ZNF224: variants seen among roughly 807,000 people sequenced by gnomAD.
ZNF224 encodes bone marrow zinc finger 2.
A neutral mutation model predicts 10.5 loss-of-function variants in ZNF224; 8 were observed. The ratio of observed to expected loss-of-function variants is 0.76; its 90% CI spans 0.45 to 1.37. The LOEUF (loss-of-function observed/expected upper bound fraction) is 1.37. Ranked by LOEUF, ZNF224 falls within the 40% of genes most tolerant of loss-of-function variation. ZNF224 has a pLI of 0.00. For synonymous variants in ZNF224, 282 were observed against 287.8 expected, an observed-to-expected ratio of 0.98 and a Z score of 0.20; for missense variants, 754 against 854.0, an observed-to-expected ratio of 0.88 and a Z score of 1.46.
chr19:44,095,546 A>C (rs1447366214), intron 1 of ZNF224: 1 of 152,226 alleles, frequency 6.6e-6, no homozygotes, highest in Non-Finnish European at 1.5e-5. Flanking sequence ...AAATGTTGTC[A>C]ACTATTTTGT....
rs1967710527 is a variant in ZNF224 at position 44,107,512 on chromosome 19, C to A, written c.1352C>A (p.Thr451Lys). The A allele has an allele frequency of 6.2e-7, 1 of 1,607,636 alleles. No individual in the cohort carries two copies. The highest frequency in any genetic ancestry group is 1.7e-5 in the Admixed American group (1 of 58,974). ...CTTGACTTTCACCAGCGCGTCCATA[C>A]AGGAGAGAAACTGTATAATTGTAAG... Reference protein sequence around the residue: ...LDLDFHQRVHTGEKLYNCKEC... With the variant: ...LDLDFHQRVHKGEKLYNCKEC... Residue 451 changes from threonine (T) to lysine (K), a missense_variant, in exon 6 of 6, where the codon ACA (threonine) becomes AAA (lysine). Physicochemically the swap from Thr to Lys is moderately conservative, Grantham distance 78. Transcript: ENST00000693561.
chr19:44,101,148 A>T lies in ZNF224; in HGVS notation c.158A>T (p.His53Leu), dbSNP rs374139895. Residue 53 changes from histidine (H) to leucine (L), a missense_variant, in exon 5 of 6, where the codon CAC becomes CTC. Transcript: ENST00000693561. The part of the protein sequence containing the change: ...NLLSVGHQAF[H>L]RDTFHFLREE... The stretch of plus-strand genomic sequence containing the variant: ...CTGTTTGCAGGACATCAAGCATTCC[A>T]CAGGGATACTTTCCACTTCCTAAGG... The T allele has an allele frequency of 8.7e-6, 14 of 1,614,030 alleles. No individual in the cohort carries two copies. The highest frequency in any genetic ancestry group is 1.3e-5 in the African/African-American group (1 of 74,938).
chr19:44,105,792 C>T (rs1485480276), intron 5 of ZNF224: 11 of 153,104 alleles, frequency 7.2e-5, no homozygotes, highest in South Asian at 2.1e-4. Context: ...TCCTGAGTTA[C>T]TTCACTTAGA....
At position 44,107,120 on chromosome 19, in the gene ZNF224, G is replaced by A. The variant is rs572888984; in HGVS notation, c.960G>A (p.Thr320=). 13 of 1,605,426 alleles carry A rather than the reference G, an allele frequency of 8.1e-6. No individual in the cohort carries two copies. The highest frequency in any genetic ancestry group is 4.5e-5 in the South Asian group (4 of 89,752). The change falls in exon 6 of 6, where the codon ACG becomes ACA. Residue 320 remains threonine, a synonymous_variant. Transcript: ENST00000693561. Reference sequence around the variant, plus strand: ...CAGAGAAACCATTCCGATGTGATACGTGTGATAAGAGCTTTCGTCAGAGAT... The same window carrying A: ...CAGAGAAACCATTCCGATGTGATACATGTGATAAGAGCTTTCGTCAGAGAT... ...HTAEKPFRCD[T]CDKSFRQRSA...
At chr19:44,097,057 C>T (rs532696781) in intron 2 of ZNF224, 8 of 230,914 alleles carry the variant, frequency 3.5e-5, no homozygotes, top group Admixed American at 1.6e-4. Flanking sequence ...TTGGCCGAGA[C>T]GCTGTCTTTC....
rs772590929 is a variant in ZNF224 at position 44,106,974 on chromosome 19, G to A, written c.814G>A (p.Asp272Asn). 4.3e-6 allele frequency: 7 copies of A among 1,610,226 alleles called. No individual in the cohort carries two copies. Among genetic ancestry groups the A allele is most frequent in the South Asian group, 1.1e-5 (1 of 90,636 alleles). The change falls in exon 6 of 6, where the codon GAT becomes AAT. Residue 272 changes from aspartate to asparagine, a missense_variant. Coordinates refer to ENST00000693561, the MANE Select transcript of ZNF224 (RefSeq NM_001321645.3). ...GGAATGCGGGAAGGCCTTCATTCAC[G>A]ATTCCCAGCTTCAAGAACATCAGAG... Reference protein sequence around the residue: ...CEECGKAFIHDSQLQEHQRIH... With the variant: ...CEECGKAFIHNSQLQEHQRIH...
rs1478411114 is a variant in ZNF224 at position 44,107,867 on chromosome 19, A to G, written c.1707A>G (p.Lys569=). The G allele has an allele frequency of 4.4e-6, 7 of 1,601,686 alleles. No individual in the cohort carries two copies. The South Asian group carries it at 7.7e-5, about 18-fold the overall frequency. Residue 569 remains lysine, a synonymous_variant, in exon 6 of 6, where the codon AAA becomes AAG. Transcript: ENST00000693561. The stretch of plus-strand genomic sequence containing the variant: ...TGCACAGTGGAGAAAAACCATTCAA[A>G]TGTGAAGAGTGTGGGAAAAGATTTA... ...QRLHSGEKPF[K]CEECGKRFTQ... is the part of the protein sequence containing the mutation.
At chr19:44,096,621 C>A (rs1967439847) in intron 2 of ZNF224, among the ~76,000 whole-genome samples, 190 bp downstream of exon 2, 3 of 152,070 alleles carry the variant, frequency 2.0e-5, no homozygotes. Context: ...ATGTACTCTG[C>A]AGTTCTATAT....
intron 5 of ZNF224, among the ~76,000 whole-genome samples, chr19:44,101,463 T>A (rs781457301): frequency 1.3e-5 from 2 of 152,214 alleles, no homozygotes; most frequent in Non-Finnish European, 2.9e-5. Context: ...CAAAAGCCTG[T>A]TTGGCTTATT....
At chr19:44,098,826 G>A (rs1967493573) in intron 3 of ZNF224, among the ~76,000 whole-genome samples, 1 of 152,152 alleles carries the variant, frequency 6.6e-6, no homozygotes, top group South Asian at 2.1e-4. Context: ...TGATCCACCT[G>A]CCTCGGCCTT....
Position 44,101,136 on chromosome 19 carries a change from A to G in ZNF224, c.146A>G (p.His49Arg), listed in dbSNP as rs145521645. Residue 49 changes from histidine (H) to arginine (R), a missense_variant, in exon 5 of 6, where the codon CAT becomes CGT. His to Arg is a conservative substitution (Grantham distance 29). Transcript: ENST00000693561. ...ATGTAAGTTTGCCTGTTTGCAGGACATCAAGCATTCCACAGGGATACTTTC... is the reference window on the plus strand; with the variant it reads ...ATGTAAGTTTGCCTGTTTGCAGGACGTCAAGCATTCCACAGGGATACTTTC... ...ENFRNLLSVG[H>R]QAFHRDTFHF... 1.2e-6 allele frequency: 2 copies of G among 1,614,032 alleles called. No homozygotes were observed. Among genetic ancestry groups the G allele is most frequent in the African/African-American group, 1.3e-5 (1 of 74,938 alleles).
chr19:44,107,048 C>T lies in ZNF224; in HGVS notation c.888C>T (p.Ser296=). The change falls in exon 6 of 6, where the codon AGC becomes AGT. Residue 296 remains serine, a synonymous_variant. Coordinates refer to ENST00000693561, the MANE Select transcript of ZNF224 (RefSeq NM_001321645.3). ...TCAAATGTGATATATGTGGTAAGAG[C>T]TTCTGTGGTAGATCAAGACTTAATA... ...KPFKCDICGK[S]FCGRSRLNRH... 2 of 1,602,490 alleles carry T rather than the reference C, an allele frequency of 1.2e-6. No individual in the cohort carries two copies. Among genetic ancestry groups the T allele is most frequent in the Non-Finnish European group, 1.7e-6 (2 of 1,173,520 alleles).
chr19:44,107,965 G>A lies in ZNF224; in HGVS notation c.1805G>A (p.Gly602Glu), dbSNP rs1192822380. Residue 602 changes from glycine to glutamate, a missense_variant, in exon 6 of 6, where the codon GGG becomes GAG. Gly to Glu is a moderately conservative substitution (Grantham distance 98, BLOSUM62 -2). Transcript: ENST00000693561. ...AAGCCATACAAATGTGATGAGTGTG[G>A]GAAGGGCTTCAGCTGGTCCTCAACT... ...GEKPYKCDEC[G>E]KGFSWSSTRL... 1 of 1,614,218 alleles carries A rather than the reference G, an allele frequency of 6.2e-7. No individual in the cohort carries two copies. Among genetic ancestry groups the A allele is most frequent in the Non-Finnish European group, 8.5e-7 (1 of 1,180,032 alleles).
Position 44,097,791 on chromosome 19 carries a change from C to T in ZNF224, c.-68-15C>T. On this transcript the variant is annotated splice_polypyrimidine_tract_variant and intron_variant, in intron 2 of 5. Transcript: ENST00000693561. ...TTTTCATGTCTCTTTTTCTGCCTTTCCTGGCACTTTGCAGGCACAATTCTG... is the reference window on the plus strand; with the variant it reads ...TTTTCATGTCTCTTTTTCTGCCTTTTCTGGCACTTTGCAGGCACAATTCTG... The T allele has an allele frequency of 1.3e-6, 2 of 1,530,822 alleles. No homozygotes were observed. The highest frequency in any genetic ancestry group is 1.8e-6 in the Non-Finnish European group (2 of 1,111,814). The allele number at this position is 1,530,822 out of a possible 1,614,324, so 94.8% of individuals were successfully genotyped here. A position where few individuals can be genotyped will look rare whatever the true frequency, so the allele number is the denominator to read the frequency against.
At chr19:44,103,979 C>T (rs1967597436) in intron 5 of ZNF224, among the ~76,000 whole-genome samples, 1 of 152,318 alleles carries the variant, frequency 6.6e-6, no homozygotes, top group East Asian at 1.9e-4. Context: ...ACATGAGCCA[C>T]TGTGCCTAGC....
intron 5 of ZNF224, among the ~76,000 whole-genome samples, chr19:44,102,333 C>T (rs1282046044): frequency 6.6e-6 from 1 of 152,180 alleles, no homozygotes; most frequent in East Asian, 1.9e-4. Context: ...TCACATACTT[C>T]TGTTTATCTG....
intron 5 of ZNF224, among the ~76,000 whole-genome samples, 200 bp downstream of exon 5, chr19:44,101,425 A>T (rs1456275268): frequency 6.6e-6 from 1 of 152,132 alleles, no homozygotes; most frequent in East Asian, 1.9e-4. Context: ...TCCTTAGGAA[A>T]TGTAAGTCAG....
At position 44,109,204 on chromosome 19, in the gene ZNF224, TTA is replaced by T. The variant is rs1486604056; in HGVS notation, c.*921_*922del. On this transcript the variant is annotated 3_prime_UTR_variant, in exon 6 of 6. Transcript: ENST00000693561. ...TAAGGCAAGATTTACAGTAACACTT[TTA>T]AAGTGCCAGATGTACATTGACAGAA... 6.5e-6 allele frequency: 1 copy of T among 153,050 alleles called. No homozygotes were observed. The highest frequency in any genetic ancestry group is 1.5e-5 in the Non-Finnish European group (1 of 68,602). The allele number at this position is 153,050 out of a possible 1,614,324, so 9.5% of individuals were successfully genotyped here.
chr19:44,104,962 G>A (rs8100306), intron 5 of ZNF224, among the ~76,000 whole-genome samples: 173 of 152,234 alleles, frequency 1.1e-3, no homozygotes, highest in African/African-American at 3.9e-3. Context: ...GCGCCCAGCC[G>A]AGCCCTGGTT....
Sources: allele counts gnomAD v4.1 joint callset (sites outside exome capture counted in the v4.1 genomes callset), GRCh38; gene constraint gnomAD v4.1.1; transcripts MANE v1.5; gene names NCBI Gene and HGNC (gene_info 2026-07-23, HGNC 2026-07-21).